Variants in SPTBN4 observed in about 807,000 individuals in gnomAD.
SPTBN4 encodes spectrin beta chain, non-erythrocytic 4.
Under a neutral mutation model 277.8 loss-of-function variants are expected in SPTBN4, and 96 were observed. The observed-to-expected ratio is 0.35, with a 90% CI of 0.29 to 0.41. The LOEUF (loss-of-function observed/expected upper bound fraction) is 0.41, where lower values mean the gene tolerates loss of function less well. Among genes scored for constraint, SPTBN4 ranks in the 10% least tolerant of loss-of-function variants. The probability of loss-of-function intolerance (pLI) is 1.00; values close to 1 mark genes in which losing one functional copy is unlikely to be tolerated. For missense variants in SPTBN4, 3,006 were observed against 3,595.7 expected, an observed-to-expected ratio of 0.84 and a Z score of 4.19; for synonymous variants, 1,481 against 1,580.3, an observed-to-expected ratio of 0.94 and a Z score of 1.49.
At chr19:40,505,221 C>CAAAAA (rs60448674) in intron 12 of SPTBN4, among the ~76,000 whole-genome samples, 1 of 75,050 alleles carries the variant, frequency 1.3e-5, no homozygotes, top group African/African-American at 5.5e-5. Flanking sequence ...CCTGTCTGTA[C>CAAAAA]AAAAAAAAAA....
At chr19:40,543,202 C>T (rs566301846) in intron 20 of SPTBN4, among the ~76,000 whole-genome samples, 1 of 152,214 alleles carries the variant, frequency 6.6e-6, no homozygotes, top group African/African-American at 2.4e-5. Flanking sequence ...TGTAATCCCA[C>T]ACTTTAGGAG....
At chr19:40,468,314 T>C (rs1813806490) in intron 1 of SPTBN4, among the ~76,000 whole-genome samples, 1 of 152,080 alleles carries the variant, frequency 6.6e-6, no homozygotes, top group African/African-American at 2.4e-5. Flanking sequence ...TGACCTCAGG[T>C]GACCCACCCA....
At chr19:40,495,086 C>T (rs540780194) in intron 6 of SPTBN4, 109 bp downstream of exon 6, 1 of 1,008,926 alleles carries the variant, frequency 9.9e-7, no homozygotes, top group South Asian at 1.4e-5. Flanking sequence ...ACATAAAGAC[C>T]CATCCCTTCA....
At chr19:40,496,592 CTAT>C (rs1411552832) in intron 6 of SPTBN4, among the ~76,000 whole-genome samples, 1 of 152,102 alleles carries the variant, frequency 6.6e-6, no homozygotes, top group Non-Finnish European at 1.5e-5. Flanking sequence ...CTGGCAGGTG[CTAT>C]TATTATCCCC....
intron 2 of SPTBN4, among the ~76,000 whole-genome samples, chr19:40,482,648 C>T (rs879548651): frequency 3.3e-5 from 5 of 152,206 alleles, no homozygotes; most frequent in Admixed American, 1.3e-4. Context: ...TTTTATAAAA[C>T]GCAGTCGGGG....
intron 1 of SPTBN4, among the ~76,000 whole-genome samples, 154 bp downstream of exon 1, chr19:40,467,459 C>A (rs45572633): frequency 6.6e-6 from 1 of 152,162 alleles, no homozygotes; most frequent in African/African-American, 2.4e-5. Context: ...CACAACCCCC[C>A]CACCCGGTCT....
intron 20 of SPTBN4, among the ~76,000 whole-genome samples, chr19:40,537,359 C>A (rs747354696): frequency 2.6e-5 from 4 of 152,184 alleles, no homozygotes; most frequent in Non-Finnish European, 5.9e-5. Flanking sequence ...TTCTCCCATC[C>A]GTGTCTGTAT....
chr19:40,506,619 C>CAT, intron 13 of SPTBN4, among the ~76,000 whole-genome samples: 2 of 152,358 alleles, frequency 1.3e-5, no homozygotes, highest in East Asian at 3.8e-4. Flanking sequence ...TAATAACCCA[C>CAT]ATTTATTGAG....
intron 18 of SPTBN4, chr19:40,530,675 C>A: frequency 3.6e-6 from 2 of 554,194 alleles, no homozygotes; most frequent in Non-Finnish European, 4.5e-6. Context: ...GCCCGCCCGT[C>A]GTGGCCGCGG....
chr19:40,575,399 T>G lies in SPTBN4; in HGVS notation c.7537-12T>G. On this transcript the variant is annotated splice_polypyrimidine_tract_variant and intron_variant, in intron 35 of 35. Transcript: ENST00000598249. The stretch of plus-strand genomic sequence containing the variant: ...TCCAAATACGGCCTCTGTGCCCTGT[T>G]TCTTCCCCCAGGAGGAGATGAACGG... 2 of 1,612,066 alleles carry G rather than the reference T, an allele frequency of 1.2e-6. No homozygotes were observed. Among genetic ancestry groups the G allele is most frequent in the Non-Finnish European group, 1.7e-6 (2 of 1,179,110 alleles).
At chr19:40,568,344 C>CCT in intron 31 of SPTBN4, 62 bp downstream of exon 31, 1 of 1,485,878 alleles carries the variant, frequency 6.7e-7, no homozygotes. Flanking sequence ...CTCCTAGAAC[C>CCT]CCTCAGGCCC....
chr19:40,527,750 T>TG (rs1215765964), intron 17 of SPTBN4, among the ~76,000 whole-genome samples: 4 of 152,000 alleles, frequency 2.6e-5, no homozygotes, highest in Non-Finnish European at 5.9e-5. Flanking sequence ...GTGTGGGGCC[T>TG]GGTAGGTCAG....
intron 12 of SPTBN4, among the ~76,000 whole-genome samples, chr19:40,505,619 G>C (rs912332377): frequency 6.6e-6 from 1 of 151,490 alleles, no homozygotes; most frequent in Non-Finnish European, 1.5e-5. Context: ...GCAGTGAGCT[G>C]AGATCGCGCC....
chr19:40,499,728 G>A (rs1017775748), intron 7 of SPTBN4, among the ~76,000 whole-genome samples: 5 of 152,046 alleles, frequency 3.3e-5, no homozygotes, highest in African/African-American at 1.2e-4. Flanking sequence ...GAGAATGACA[G>A]CTCAGGGATG....
At chr19:40,501,266 G>T (rs1440476092) in intron 7 of SPTBN4, among the ~76,000 whole-genome samples, 2 of 151,526 alleles carry the variant, frequency 1.3e-5, no homozygotes, top group African/African-American at 4.8e-5. Flanking sequence ...AAAAAGTTGA[G>T]CTCTGAAGAA....
Position 40,519,589 on chromosome 19 carries a change from T to A in SPTBN4, c.3092T>A (p.Leu1031Gln). 1 of 1,480,804 alleles carries A rather than the reference T, an allele frequency of 6.8e-7. No individual in the cohort carries two copies. Among genetic ancestry groups the A allele is most frequent in the Non-Finnish European group, 8.9e-7 (1 of 1,125,664 alleles). 91.7% of individuals were successfully genotyped at this position (1,480,804 alleles called of 1,614,324 possible). ...CGTCTTAGCGGCCTAGAGGCCGCTC[T>A]GCAGGCGCTGGAGCCGCGCCAGGCG... ...QWRLSGLEAALQALEPRQAAL... is the reference protein window; with the variant it reads ...QWRLSGLEAAQQALEPRQAAL... Residue 1031 changes from leucine to glutamine, a missense_variant, in exon 16 of 36, where the codon CTG (leucine) becomes CAG (glutamine). Leu to Gln is a moderately radical substitution (Grantham distance 113). Transcript: ENST00000598249. This position sits in a 1 kb window ranked among gnomAD's most constrained non-coding sequence, Gnocchi z 5.7.
At chr19:40,559,757 G>C (rs1181271451) in intron 26 of SPTBN4, among the ~76,000 whole-genome samples, 6 of 152,216 alleles carry the variant, frequency 3.9e-5, no homozygotes, top group Non-Finnish European at 4.4e-5. Flanking sequence ...CAGCCGTCGT[G>C]TAGGAAACTG....
chr19:40,567,810 C>A lies in SPTBN4; in HGVS notation c.6484C>A (p.Arg2162Ser). ...TGAAAGGGGCTTGGAGCCCCTGGCC[C>A]GCCGAGCCTCGGACACGCTCTCGGC... ...GYERGLEPLA[R>S]RASDTLSAEV... Residue 2162 changes from arginine to serine, a missense_variant, in exon 31 of 36, where the codon CGC becomes AGC. Physicochemically the swap from Arg to Ser is moderately radical, Grantham distance 110. Coordinates refer to ENST00000598249, the MANE Select transcript of SPTBN4 (RefSeq NM_020971.3). 3 of 1,512,806 alleles carry A rather than the reference C, an allele frequency of 2.0e-6. No homozygotes were observed. The highest frequency in any genetic ancestry group is 1.2e-5 in the South Asian group (1 of 81,190). 93.7% of individuals were successfully genotyped at this position (1,512,806 alleles called of 1,614,324 possible). A position where few individuals can be genotyped will look rare whatever the true frequency, so the allele number is the denominator to read the frequency against.
chr19:40,519,452 G>A lies in SPTBN4; in HGVS notation c.2955G>A (p.Ala985=), dbSNP rs1247457092. The part of the protein sequence containing the change: ...LVEQRKEEMS[A]VLLVENHVLE... Reference sequence around the variant, plus strand: ...AACAGCGCAAAGAGGAAATGAGCGCGGTGCTGCTGGTGGAGAACCACGTGC... The same window carrying A: ...AACAGCGCAAAGAGGAAATGAGCGCAGTGCTGCTGGTGGAGAACCACGTGC... The change falls in exon 16 of 36, where the codon GCG becomes GCA. Residue 985 remains alanine (A), a synonymous_variant. Transcript: ENST00000598249. The surrounding 1 kb of genome is among the most constrained non-coding windows in gnomAD (Gnocchi z 5.7). The A allele has an allele frequency of 2.5e-6, 4 of 1,604,062 alleles. No homozygotes were observed. Among genetic ancestry groups the A allele is most frequent in the South Asian group, 1.1e-5 (1 of 89,848 alleles).
Sources: allele counts gnomAD v4.1 joint callset (sites outside exome capture counted in the v4.1 genomes callset), GRCh38; gene constraint gnomAD v4.1.1; non-coding constraint Gnocchi (gnomAD v3.1); transcripts MANE v1.5; gene names NCBI Gene and HGNC (gene_info 2026-07-23, HGNC 2026-07-21).